Variants in TMEM131L observed in about 807,000 individuals in gnomAD.
TMEM131L encodes the protein transmembrane 131 like, also known as transmembrane protein 131-like.
A neutral mutation model predicts 192.2 loss-of-function variants in TMEM131L; 54 were observed. The ratio of observed to expected loss-of-function variants is 0.28; its 90% CI spans 0.23 to 0.35. TMEM131L has a LOEUF of 0.35. Among genes scored for constraint, TMEM131L ranks in the 10% least tolerant of loss-of-function variants. The probability of loss-of-function intolerance (pLI) is 1.00; values close to 1 mark genes in which losing one functional copy is unlikely to be tolerated. For synonymous variants in TMEM131L, 701 were observed against 704.9 expected (o/e 0.99, Z 0.09); for missense variants, 1,888 against 1,972.9 (o/e 0.96, Z 0.82).
At chr4:153,599,733 A>G (rs1432515764) in intron 21 of TMEM131L, among the ~76,000 whole-genome samples, 3 of 152,208 alleles carry the variant, frequency 2.0e-5, no homozygotes. Context: ...TGTGTCCTCC[A>G]AGACAGCCAC....
chr4:153,470,249 C>T (rs965914219), intron 2 of TMEM131L, among the ~76,000 whole-genome samples: 2 of 152,196 alleles, frequency 1.3e-5, no homozygotes, highest in African/African-American at 4.8e-5. Context: ...TTTCAGAAGA[C>T]TTTGAGAAGA....
At chr4:153,480,638 G>C (rs1357685174) in intron 3 of TMEM131L, among the ~76,000 whole-genome samples, 2 of 151,262 alleles carry the variant, frequency 1.3e-5, no homozygotes, top group African/African-American at 4.9e-5. Context: ...TTCCCACCCT[G>C]TCATCTACCT....
intron 27 of TMEM131L, among the ~76,000 whole-genome samples, chr4:153,621,440 G>A (rs984924400): frequency 6.6e-6 from 1 of 152,168 alleles, no homozygotes; most frequent in African/African-American, 2.4e-5. Context: ...TTCGAACCCA[G>A]GCAGTGTGGC....
At chr4:153,602,413 G>A in intron 22 of TMEM131L, 75 bp downstream of exon 22, 7 of 1,538,976 alleles carry the variant, frequency 4.5e-6, no homozygotes, top group Non-Finnish European at 5.3e-6. Flanking sequence ...TTTTTCTATT[G>A]TTAAGACATC....
At chr4:153,533,456 A>G (rs1302506872) in intron 3 of TMEM131L, among the ~76,000 whole-genome samples, 2 of 152,128 alleles carry the variant, frequency 1.3e-5, no homozygotes, top group Non-Finnish European at 2.9e-5. Context: ...TGGCTTATAA[A>G]TTACTCTAGG....
chr4:153,504,016 G>C lies in TMEM131L; in HGVS notation c.239+30128G>C, dbSNP rs564186560. On this transcript the variant is annotated intron_variant, in intron 3 of 34. Transcript: ENST00000409959. Reference sequence around the variant, plus strand: ...GAGTCTTGCTCTGTCGCCCAGGCTGGAGTGCAGTGGTGCTATCTCGGCTCA... The same window carrying C: ...GAGTCTTGCTCTGTCGCCCAGGCTGCAGTGCAGTGGTGCTATCTCGGCTCA... Among the ~76,000 whole-genome samples the C allele has an allele frequency of 3.3e-3, 496 of 151,922 alleles. 2 individuals are homozygous for C. Among genetic ancestry groups the C allele is most frequent in the African/African-American group, 0.011 (458 of 41,398 alleles).
At chr4:153,574,984 G>T (rs528601206) in intron 7 of TMEM131L, among the ~76,000 whole-genome samples, 22 of 152,306 alleles carry the variant, frequency 1.4e-4, no homozygotes, top group Middle Eastern at 3.4e-3. Context: ...ATTGGGATTT[G>T]TCTAAGTAAT....
chr4:153,492,931 A>G (rs1732889522), intron 3 of TMEM131L, among the ~76,000 whole-genome samples: 1 of 152,168 alleles, frequency 6.6e-6, no homozygotes, highest in Admixed American at 6.5e-5. Context: ...GGGGAAAGGA[A>G]GGTCAGGAAT....
At chr4:153,601,941 A>G in intron 21 of TMEM131L, 2 of 337,196 alleles carry the variant, frequency 5.9e-6, no homozygotes, top group East Asian at 1.0e-4. Context: ...AGTCTTGCCT[A>G]CTTAAGTATC....
At chr4:153,536,995 T>C (rs1057511892) in intron 3 of TMEM131L, among the ~76,000 whole-genome samples, 2 of 152,172 alleles carry the variant, frequency 1.3e-5, no homozygotes, top group Non-Finnish European at 2.9e-5. Context: ...CTGGCTGCGC[T>C]GGCAGCTGAT....
At chr4:153,509,865 A>G (rs1734234072) in intron 3 of TMEM131L, among the ~76,000 whole-genome samples, 1 of 152,188 alleles carries the variant, frequency 6.6e-6, no homozygotes, top group Admixed American at 6.5e-5. Context: ...CAGGATATGG[A>G]CAGAGTTGGA....
At chr4:153,473,993 T>C (rs186586347) in intron 3 of TMEM131L, 105 bp downstream of exon 3, 17 of 663,120 alleles carry the variant, frequency 2.6e-5, no homozygotes, top group Middle Eastern at 4.9e-4. Context: ...TTTAGTAGTA[T>C]CTGTAATACA....
intron 3 of TMEM131L, among the ~76,000 whole-genome samples, chr4:153,506,345 G>A (rs2150035636): frequency 6.6e-6 from 1 of 152,286 alleles, no homozygotes; most frequent in Non-Finnish European, 1.5e-5. Flanking sequence ...TACAAAGCAA[G>A]GTAACAATGG....
At chr4:153,505,692 A>C (rs1733939027) in intron 3 of TMEM131L, among the ~76,000 whole-genome samples, 1 of 152,242 alleles carries the variant, frequency 6.6e-6, no homozygotes. Flanking sequence ...GGTATGAGAC[A>C]GTACTATAAT....
At chr4:153,573,052 T>C (rs142711338) in intron 7 of TMEM131L, among the ~76,000 whole-genome samples, 226 of 152,386 alleles carry the variant, frequency 1.5e-3, no homozygotes, top group African/African-American at 5.1e-3. Flanking sequence ...TATTCCTTTT[T>C]AAGGCTGAAT....
intron 3 of TMEM131L, among the ~76,000 whole-genome samples, chr4:153,494,044 T>C (rs1299737408): frequency 6.6e-6 from 1 of 152,104 alleles, no homozygotes; most frequent in Non-Finnish European, 1.5e-5. Flanking sequence ...GGTAAGGACC[T>C]GGGCTCTGGG....
intron 3 of TMEM131L, among the ~76,000 whole-genome samples, chr4:153,515,031 C>T (rs1230786700): frequency 3.3e-5 from 5 of 151,928 alleles, no homozygotes; most frequent in African/African-American, 1.2e-4. Context: ...AGGCTGGTCT[C>T]GAACTCCCGA....
chr4:153,509,475 C>T (rs1406207020), intron 3 of TMEM131L, among the ~76,000 whole-genome samples: 1 of 152,114 alleles, frequency 6.6e-6, no homozygotes, highest in African/African-American at 2.4e-5. Flanking sequence ...GCCTGTAATC[C>T]CAGCACTTTA....
At chr4:153,517,149 A>G (rs1734793402) in intron 3 of TMEM131L, among the ~76,000 whole-genome samples, 1 of 152,134 alleles carries the variant, frequency 6.6e-6, no homozygotes, top group Admixed American at 6.5e-5. Context: ...ATTTTAATCT[A>G]AGAGGTCCAA....
Sources: gnomAD v4.1 joint callset for allele counts (sites outside exome capture counted in the v4.1 genomes callset) on GRCh38, gnomAD v4.1.1 for gene constraint, MANE v1.5 for transcripts, NCBI Gene and HGNC (gene_info 2026-07-23, HGNC 2026-07-21) for gene names.